Variants in TSPAN12 observed in about 807,000 individuals in gnomAD.
TSPAN12 encodes tetraspanin 12.
Under a neutral mutation model 39.2 loss-of-function variants are expected in TSPAN12, and 19 were observed. That is an observed-to-expected ratio of 0.49 (90% CI 0.34 to 0.71). The LOEUF is 0.71. TSPAN12 is among the 30% of genes least tolerant of loss of function. The pLI, the probability that TSPAN12 is intolerant of heterozygous loss-of-function variation, is 0.01. For missense variants in TSPAN12, 314 were observed against 359.9 expected, an observed-to-expected ratio of 0.87 and a Z score of 1.03; for synonymous variants, 119 against 124.8, an observed-to-expected ratio of 0.95 and a Z score of 0.31.
intron 7 of TSPAN12, among the ~76,000 whole-genome samples, chr7:120,791,808 T>C (rs1343892846): frequency 6.6e-6 from 1 of 152,162 alleles, no homozygotes; most frequent in Non-Finnish European, 1.5e-5. Flanking sequence ...GGCTGGGGAA[T>C]GAGACCTATT....
intron 7 of TSPAN12, among the ~76,000 whole-genome samples, chr7:120,798,730 T>C (rs1489165416): frequency 6.6e-6 from 1 of 152,174 alleles, no homozygotes; most frequent in Non-Finnish European, 1.5e-5. Context: ...TCCCTGTAAA[T>C]GTGGCCCTTC....
intron 5 of TSPAN12, among the ~76,000 whole-genome samples, chr7:120,813,626 T>C (rs1360496585): frequency 6.6e-6 from 1 of 152,174 alleles, no homozygotes; most frequent in Non-Finnish European, 1.5e-5. Flanking sequence ...CACAAGAAAG[T>C]AAACAAATTG....
In TSPAN12 at chr7:120,840,944, C is replaced by T. The variant is rs924747407; in HGVS notation, c.67-835G>A. ...TCATTGGTTCTCAATCCTGTCTGTA[C>T]ATTTGAATCATTTAAGGCTCAAAAA... On this transcript the variant is annotated intron_variant, in intron 2 of 7. Coordinates refer to ENST00000222747, the MANE Select transcript of TSPAN12 (RefSeq NM_012338.4). 2.0e-5 allele frequency among the ~76,000 whole-genome samples: 3 copies of T among 152,304 alleles called. No homozygotes were observed. The East Asian group carries it at 5.8e-4, about 29-fold the overall frequency.
intron 5 of TSPAN12, among the ~76,000 whole-genome samples, chr7:120,814,424 T>G (rs1794041347): frequency 6.6e-6 from 1 of 152,176 alleles, no homozygotes; most frequent in Non-Finnish European, 1.5e-5. Flanking sequence ...AACGCATATT[T>G]TTAAGAATCA....
intron 7 of TSPAN12, among the ~76,000 whole-genome samples, chr7:120,803,034 A>G (rs1793804272): frequency 6.6e-6 from 1 of 152,188 alleles, no homozygotes; most frequent in Admixed American, 6.5e-5. Flanking sequence ...GATAAGAGAG[A>G]CCTTGCGGTT....
Position 120,788,901 on chromosome 7 carries a change from T to C in TSPAN12, c.613-4A>G. ...AATACATTTTCTTCCCACAACCCTG[T>C]AAAAGAAATACATGGTCAACATTAC... On this transcript the variant is annotated splice_polypyrimidine_tract_variant and splice_region_variant and intron_variant, in intron 7 of 7. Coordinates refer to ENST00000222747, the MANE Select transcript of TSPAN12 (RefSeq NM_012338.4). 1 of 1,613,924 alleles carries C rather than the reference T, an allele frequency of 6.2e-7. No homozygotes were observed. The highest frequency in any genetic ancestry group is 8.5e-7 in the Non-Finnish European group (1 of 1,179,944).
chr7:120,809,305 G>A (rs571823121), intron 6 of TSPAN12, among the ~76,000 whole-genome samples: 5 of 151,878 alleles, frequency 3.3e-5, no homozygotes, highest in South Asian at 4.2e-4. Context: ...AGAAAATAAC[G>A]AGCTCTGGGC....
At chr7:120,807,311 G>A (rs1793894052) in intron 6 of TSPAN12, among the ~76,000 whole-genome samples, 1 of 152,102 alleles carries the variant, frequency 6.6e-6, no homozygotes. Flanking sequence ...AAGAAATGGT[G>A]TGTGTGCCTT....
chr7:120,799,607 TATA>T (rs1400396671), intron 7 of TSPAN12, among the ~76,000 whole-genome samples: 4 of 115,002 alleles, frequency 3.5e-5, no homozygotes, highest in Non-Finnish European at 4.9e-5. Flanking sequence ...TATATATAAT[TATA>T]TATATAATTA....
At chr7:120,804,534 T>C (rs1012362023) in intron 7 of TSPAN12, among the ~76,000 whole-genome samples, 1 of 152,206 alleles carries the variant, frequency 6.6e-6, no homozygotes, top group Non-Finnish European at 1.5e-5. Context: ...AAACAAAGTA[T>C]GTATAAAACA....
At chr7:120,840,706 C>A (rs1272125192) in intron 2 of TSPAN12, among the ~76,000 whole-genome samples, 1 of 152,076 alleles carries the variant, frequency 6.6e-6, no homozygotes, top group Non-Finnish European at 1.5e-5. Flanking sequence ...ATACTCAACT[C>A]ATTATTCAGA....
chr7:120,798,056 T>G (rs1793666930), intron 7 of TSPAN12, among the ~76,000 whole-genome samples: 1 of 152,168 alleles, frequency 6.6e-6, no homozygotes, highest in Non-Finnish European at 1.5e-5. Context: ...AATTTGCAAG[T>G]CTCTACTAAT....
rs1439532407 is a variant in TSPAN12, at chr7:120,799,458, T to G, written c.612+7091A>C. Among the ~76,000 whole-genome samples the G allele has an allele frequency of 5.9e-5, 8 of 135,602 alleles. No individual in the cohort carries two copies. The East Asian group carries it at 1.6e-3, about 28-fold the overall frequency. The allele number at this position is 135,602 out of a possible 152,430, so 89.0% of individuals were successfully genotyped here. ...ATATATAATTTAATTTATATATAATTTAATTACATAATTATTTTTATAATT... is the reference window on the plus strand; with the variant it reads ...ATATATAATTTAATTTATATATAATGTAATTACATAATTATTTTTATAATT... On this transcript the variant is annotated intron_variant, in intron 7 of 7. Coordinates refer to ENST00000222747, the MANE Select transcript of TSPAN12 (RefSeq NM_012338.4).
chr7:120,849,377 G>T (rs1164251931), intron 2 of TSPAN12, among the ~76,000 whole-genome samples: 3 of 152,206 alleles, frequency 2.0e-5, no homozygotes, highest in Non-Finnish European at 4.4e-5. Flanking sequence ...AGAATTGTAT[G>T]TGTATGCGCA....
rs10585886 is a variant in TSPAN12, at chr7:120,842,448, T to TAAA, written c.67-2342_67-2340dup. Among the ~76,000 whole-genome samples the TAAA allele has an allele frequency of 1.7e-4, 22 of 130,754 alleles. No individual in the cohort carries two copies. In the East Asian group the frequency reaches 3.3e-3, roughly 20 times the overall value. The allele number at this position is 130,754 out of a possible 152,430, so 85.8% of individuals were successfully genotyped here. ...CACAAAGAAGACAATTACAAACTGT[T>TAAA]AAAAAAAAAAAAAAAAAAGTGCCCT... On this transcript the variant is annotated intron_variant, in intron 2 of 7. Coordinates refer to ENST00000222747, the MANE Select transcript of TSPAN12 (RefSeq NM_012338.4).
chr7:120,788,978 T>C lies in TSPAN12; in HGVS notation c.613-81A>G, dbSNP rs17142959. ...ATAGTTAATGAAAGCAAACAATCTG[T>C]ATCAGTTAATGAAATCAGACTAACT... On this transcript the variant is annotated intron_variant, in intron 7 of 7. Coordinates refer to ENST00000222747, the MANE Select transcript of TSPAN12 (RefSeq NM_012338.4). 763 of 1,403,134 alleles carry C rather than the reference T, an allele frequency of 5.4e-4. 5 individuals are homozygous for C. In the East Asian group the frequency reaches 0.013, roughly 25 times the overall value. The allele number at this position is 1,403,134 out of a possible 1,614,324, so 86.9% of individuals were successfully genotyped here.
intron 2 of TSPAN12, among the ~76,000 whole-genome samples, chr7:120,848,162 G>A (rs924861039): frequency 6.6e-6 from 1 of 152,084 alleles, no homozygotes; most frequent in East Asian, 1.9e-4. Flanking sequence ...TTTCCTTCAA[G>A]CCCAGCTTGA....
rs543829889 is a variant in TSPAN12, at chr7:120,816,095, C to T, written c.286-292G>A. ...AATTTACATGTTCTAGTTTGATAAA[C>T]TTTAATCAAGTTCTCCAAGAAAGGG... is the stretch of plus-strand genomic sequence containing the variant. On this transcript the variant is annotated intron_variant, in intron 4 of 7. Transcript: ENST00000222747. Among the ~76,000 whole-genome samples, 4 of 152,214 alleles carry T rather than the reference C, an allele frequency of 2.6e-5. No homozygotes were observed. In the East Asian group the frequency reaches 7.7e-4, roughly 29 times the overall value.
At position 120,856,801 on chromosome 7, in the gene TSPAN12, A is replaced by C; in HGVS notation, c.-38T>G. 6.2e-7 allele frequency: 1 copy of C among 1,611,342 alleles called. No homozygotes were observed. The stretch of plus-strand genomic sequence containing the variant: ...AAGGGAGAAGCCCCATCCTTTCACC[A>C]CATCCTACTCCCAAGGGCAAAACGG... On this transcript the variant is annotated 5_prime_UTR_variant, in exon 2 of 8. Transcript: ENST00000222747.
Sources: allele counts gnomAD v4.1 joint callset (sites outside exome capture counted in the v4.1 genomes callset), GRCh38; gene constraint gnomAD v4.1.1; transcripts MANE v1.5; gene names NCBI Gene and HGNC (gene_info 2026-07-23, HGNC 2026-07-21).